The following PCED1B variants were observed in gnomAD, a reference collection of about 807,000 sequenced individuals.
The protein encoded by PCED1B is PC-esterase domain containing 1B, also known as PC-esterase domain-containing protein 1B.
For missense variants in PCED1B, 573 were observed against 573.9 expected (o/e 1.00, Z 0.02); for synonymous variants, 251 against 246.1 (o/e 1.02, Z -0.19).
At chr12:47,196,238 G>T (rs1299939305) in intron 2 of PCED1B, among the ~76,000 whole-genome samples, 1 of 152,144 alleles carries the variant, frequency 6.6e-6, no homozygotes, top group Non-Finnish European at 1.5e-5. Context: ...GGAGGCAGTA[G>T]AACTTAGTAG....
At chr12:47,222,144 G>C (rs1565611297) in intron 3 of PCED1B, among the ~76,000 whole-genome samples, 1 of 149,328 alleles carries the variant, frequency 6.7e-6, no homozygotes, top group Non-Finnish European at 1.5e-5. Flanking sequence ...AAACGCCCGG[G>C]CGTGGTGGCT....
chr12:47,199,294 A>G (rs1354220974), intron 2 of PCED1B, among the ~76,000 whole-genome samples: 1 of 152,220 alleles, frequency 6.6e-6, no homozygotes. Context: ...GAAGACTCAA[A>G]TTCCTCATGC....
intron 1 of PCED1B, among the ~76,000 whole-genome samples, chr12:47,093,344 T>C (rs896877817): frequency 6.6e-6 from 1 of 151,554 alleles, no homozygotes; most frequent in Non-Finnish European, 1.5e-5. Flanking sequence ...TTTTCATTGC[T>C]GTTGTTGCGA....
chr12:47,171,027 T>C (rs1941712165), intron 2 of PCED1B, among the ~76,000 whole-genome samples: 1 of 151,888 alleles, frequency 6.6e-6, no homozygotes, highest in Non-Finnish European at 1.5e-5. Flanking sequence ...ATGAGACTTT[T>C]GAATACCTTT....
intron 2 of PCED1B, among the ~76,000 whole-genome samples, chr12:47,182,970 AC>A (rs1251891465): frequency 1.3e-5 from 2 of 151,990 alleles, no homozygotes; most frequent in African/African-American, 4.8e-5. Context: ...GTTTAGTTCC[AC>A]CCAACAGCTA....
intron 2 of PCED1B, among the ~76,000 whole-genome samples, chr12:47,204,056 T>C (rs534603353): frequency 1.3e-5 from 2 of 152,290 alleles, no homozygotes; most frequent in East Asian, 1.9e-4. Flanking sequence ...AACGATCCTC[T>C]ACCTCAGCCT....
intron 3 of PCED1B, among the ~76,000 whole-genome samples, 185 bp downstream of exon 3, chr12:47,216,874 T>C (rs569715161): frequency 6.6e-6 from 1 of 152,202 alleles, no homozygotes; most frequent in South Asian, 2.1e-4. Flanking sequence ...AAAATATTAG[T>C]GATTGATAAA....
rs555026825 is a variant in PCED1B at position 47,235,052 on chromosome 12, G to A, written c.-12G>A. 8.5e-5 allele frequency: 129 copies of A among 1,521,532 alleles called. 1 individual carries two copies. The South Asian group carries it at 1.6e-3, about 19-fold the overall frequency. 94.3% of individuals were successfully genotyped at this position (1,521,532 alleles called of 1,614,324 possible). A position where few individuals can be genotyped will look rare whatever the true frequency, so the allele number is the denominator to read the frequency against. ...TGCAAAGGAAGGAGCTAGGCTGTGC[G>A]CCCTGGGCGTCATGATCCTTCTGCG... On this transcript the variant is annotated 5_prime_UTR_variant, in exon 4 of 4. Coordinates refer to ENST00000546455, the MANE Select transcript of PCED1B (RefSeq NM_138371.3).
intron 1 of PCED1B, among the ~76,000 whole-genome samples, chr12:47,081,952 C>T (rs1163047458): frequency 6.6e-6 from 1 of 152,132 alleles, no homozygotes; most frequent in Non-Finnish European, 1.5e-5. Context: ...ACTAAATGCA[C>T]TCAAAATCCA....
Position 47,125,914 on chromosome 12 carries a change from G to A in PCED1B, c.-526+21719G>A, listed in dbSNP as rs1030256686. ...AATCGTTTTTTAAAATGTTTCATAG[G>A]ATTTTCTACATATAAAGATATCTAG... On this transcript the variant is annotated intron_variant, in intron 2 of 3. Transcript: ENST00000546455. Among the ~76,000 whole-genome samples, 3 of 151,794 alleles carry A rather than the reference G, an allele frequency of 2.0e-5. No individual in the cohort carries two copies. In the South Asian group the frequency reaches 6.2e-4, roughly 32 times the overall value.
In PCED1B at chr12:47,172,733, G is replaced by A. The variant is rs931004371; in HGVS notation, c.-525-43489G>A. On this transcript the variant is annotated intron_variant, in intron 2 of 3. Transcript: ENST00000546455. ...CAGATCTCTTATTAGGAGATCATAT[G>A]TGTAAAAGATAAGAACTGGCACAGG... Among the ~76,000 whole-genome samples the A allele has an allele frequency of 5.3e-5, 8 of 152,134 alleles. 1 individual carries two copies. Among genetic ancestry groups the A allele is most frequent in the Admixed American group, 1.3e-4 (2 of 15,278 alleles).
At chr12:47,109,920 T>C (rs1939118368) in intron 2 of PCED1B, among the ~76,000 whole-genome samples, 1 of 152,188 alleles carries the variant, frequency 6.6e-6, no homozygotes, top group South Asian at 2.1e-4. Context: ...CTGGTATCCC[T>C]TGTAGTAAAC....
chr12:47,114,249 C>T (rs1917660), intron 2 of PCED1B, among the ~76,000 whole-genome samples: 61,941 of 151,986 alleles, frequency 0.41, 13,220 homozygotes, highest in African/African-American at 0.52. Context: ...CACACCAAAC[C>T]TGCAAGTTGG....
At chr12:47,086,968 C>T (rs1938016987) in intron 1 of PCED1B, among the ~76,000 whole-genome samples, 1 of 152,148 alleles carries the variant, frequency 6.6e-6, no homozygotes, top group African/African-American at 2.4e-5. Flanking sequence ...AGCCATTATT[C>T]ACCAACCAAC....
chr12:47,202,607 A>G (rs60483177), intron 2 of PCED1B, among the ~76,000 whole-genome samples: 2,536 of 150,818 alleles, frequency 0.017, 47 homozygotes, highest in African/African-American at 0.057. Context: ...AAAAAAAAAA[A>G]AAAAAAAAAA....
At chr12:47,215,091 G>C (rs1943210521) in intron 2 of PCED1B, among the ~76,000 whole-genome samples, 1 of 151,794 alleles carries the variant, frequency 6.6e-6, no homozygotes, top group Non-Finnish European at 1.5e-5. Flanking sequence ...CTGTAGTCAT[G>C]CATTTTCTCT....
intron 3 of PCED1B, among the ~76,000 whole-genome samples, chr12:47,233,574 G>A (rs1943878383): frequency 6.6e-6 from 1 of 152,202 alleles, no homozygotes; most frequent in African/African-American, 2.4e-5. Flanking sequence ...GGCTATTGTA[G>A]TAAGGTCTAT....
At chr12:47,182,197 G>A (rs1434470152) in intron 2 of PCED1B, among the ~76,000 whole-genome samples, 1 of 152,180 alleles carries the variant, frequency 6.6e-6, no homozygotes, top group East Asian at 1.9e-4. Context: ...GGAACCAAAT[G>A]TATTTACCTG....
At chr12:47,092,281 G>C (rs1028017864) in intron 1 of PCED1B, among the ~76,000 whole-genome samples, 1 of 151,866 alleles carries the variant, frequency 6.6e-6, no homozygotes, top group African/African-American at 2.4e-5. Flanking sequence ...CTAGGTGTTT[G>C]AGTTTTTTGA....
Sources: gnomAD v4.1 joint callset for allele counts (sites outside exome capture counted in the v4.1 genomes callset) on GRCh38, gnomAD v4.1.1 for gene constraint, MANE v1.5 for transcripts, NCBI Gene and HGNC (gene_info 2026-07-23, HGNC 2026-07-21) for gene names.